Variants in RYK observed in about 807,000 individuals in gnomAD.
The protein encoded by RYK is inactive tyrosine-protein kinase RYK.
A neutral mutation model predicts 70.2 loss-of-function variants in RYK; 21 were observed. The ratio of observed to expected loss-of-function variants is 0.30; its 90% CI spans 0.21 to 0.43. The LOEUF (loss-of-function observed/expected upper bound fraction) is 0.43, where lower values mean the gene tolerates loss of function less well. Among genes scored for constraint, RYK ranks in the 20% least tolerant of loss-of-function variants. The pLI is 1.00. For missense variants in RYK, 604 were observed against 753.3 expected (o/e 0.80, Z 2.32); for synonymous variants, 267 against 278.0 (o/e 0.96, Z 0.39).
chr3:134,178,258 T>TGCATATATCCCCATATATGC, intron 10 of RYK, 185 bp from the exon 11 acceptor site: 1 of 496,192 alleles, frequency 2.0e-6, no homozygotes, highest in East Asian at 3.6e-5. Context: ...CCTATATATG[T>TGCATATATCCCCATATATGC]GCATATATCC....
chr3:134,221,062 G>GTAC (rs1560022088), intron 2 of RYK, among the ~76,000 whole-genome samples: 2 of 152,036 alleles, frequency 1.3e-5, no homozygotes, highest in Non-Finnish European at 2.9e-5. Context: ...AGGGGAAAAA[G>GTAC]TACTGTTCAA....
rs567343525 is a variant in RYK, at chr3:134,191,458, C to G, written c.1015+391G>C. ...TAAAATGTGGGATTGGAACTAAGGA[C>G]CAAAACCAAAGCCCAAGCCCATGTC... On this transcript the variant is annotated intron_variant, in intron 8 of 14. Coordinates refer to ENST00000623711, the MANE Select transcript of RYK (RefSeq NM_002958.4). Among the ~76,000 whole-genome samples the G allele has an allele frequency of 3.3e-5, 5 of 152,276 alleles. No homozygotes were observed. The South Asian group carries it at 1.0e-3, about 32-fold the overall frequency.
At chr3:134,223,575 G>A (rs2014801002) in intron 1 of RYK, among the ~76,000 whole-genome samples, 1 of 150,810 alleles carries the variant, frequency 6.6e-6, no homozygotes, top group Non-Finnish European at 1.5e-5. Flanking sequence ...AAAAAGGGAG[G>A]AGGGAGGTAT....
chr3:134,234,656 A>C (rs796863038), intron 1 of RYK, among the ~76,000 whole-genome samples: 4 of 152,270 alleles, frequency 2.6e-5, no homozygotes, highest in African/African-American at 9.6e-5. Context: ...AATAGTACTC[A>C]GAAGGCCTCA....
rs369799402 is a variant in RYK, at chr3:134,218,174, A to G, written c.354+4244T>C. 5.9e-5 allele frequency among the ~76,000 whole-genome samples: 9 copies of G among 152,292 alleles called. No homozygotes were observed. The East Asian group carries it at 1.5e-3, about 26-fold the overall frequency. ...TGTGCAACTACTGTCGAGTGTACCC[A>G]GCCTATATGTTTTCACACTTCCAGA... On this transcript the variant is annotated intron_variant, in intron 2 of 14. Coordinates refer to ENST00000623711, the MANE Select transcript of RYK (RefSeq NM_002958.4).
At chr3:134,204,672 C>A (rs1287451380) in intron 5 of RYK, among the ~76,000 whole-genome samples, 1 of 150,042 alleles carries the variant, frequency 6.7e-6, no homozygotes, top group Non-Finnish European at 1.5e-5. Context: ...ATACAAATGA[C>A]ATAAGCAGGC....
chr3:134,176,253 T>C (rs149774275), intron 11 of RYK, among the ~76,000 whole-genome samples: 1 of 152,358 alleles, frequency 6.6e-6, no homozygotes, highest in East Asian at 1.9e-4. Flanking sequence ...ATCTACCATT[T>C]ACTCTGTCTC....
Position 134,191,869 on chromosome 3 carries a change from A to G in RYK, c.995T>C (p.Leu332Pro), listed in dbSNP as rs2107668636. 1 of 1,611,150 alleles carries G rather than the reference A, an allele frequency of 6.2e-7. No individual in the cohort carries two copies. Among genetic ancestry groups the G allele is most frequent in the Non-Finnish European group, 8.5e-7 (1 of 1,178,586 alleles). ...AATACCTTCTTGGAGTACATCTTTT[A>G]GAGTTATCCTCTCTCTGGATATTGC... ...DIAISRERIT[L>P]KDVLQEGTFG... Residue 332 changes from leucine to proline, a missense_variant, in exon 8 of 15, where the codon CTA (leucine) becomes CCA (proline). Coordinates refer to ENST00000623711, the MANE Select transcript of RYK (RefSeq NM_002958.4).
chr3:134,193,904 C>G (rs909276806), intron 7 of RYK, among the ~76,000 whole-genome samples: 2 of 152,130 alleles, frequency 1.3e-5, no homozygotes, highest in African/African-American at 2.4e-5. Context: ...GGGGGTGCAG[C>G]AGGGACAGAA....
intron 5 of RYK, 107 bp from the exon 6 acceptor site, chr3:134,202,981 G>GT (rs1317026972): frequency 1.2e-6 from 1 of 841,076 alleles, no homozygotes; most frequent in East Asian, 2.8e-5. Context: ...CCCATTCTTT[G>GT]TAAGATCAGT....
intron 6 of RYK, among the ~76,000 whole-genome samples, chr3:134,196,318 T>C (rs1009619874): frequency 6.6e-6 from 1 of 152,152 alleles, no homozygotes; most frequent in African/African-American, 2.4e-5. Flanking sequence ...GGATAGGTCT[T>C]TCAATGCCTC....
intron 1 of RYK, among the ~76,000 whole-genome samples, chr3:134,228,266 G>A (rs1474245354): frequency 6.6e-6 from 1 of 152,018 alleles, no homozygotes; most frequent in African/African-American, 2.4e-5. Context: ...ACTCCAGCCT[G>A]GAAGATAGAA....
intron 2 of RYK, among the ~76,000 whole-genome samples, chr3:134,213,973 A>G (rs576002414): frequency 3.9e-5 from 6 of 152,012 alleles, no homozygotes; most frequent in Middle Eastern, 3.4e-3. Flanking sequence ...TGCCCAGCTA[A>G]TTTTTGTATT....
At chr3:134,241,346 T>C (rs2015321996) in intron 1 of RYK, among the ~76,000 whole-genome samples, 1 of 144,788 alleles carries the variant, frequency 6.9e-6, no homozygotes, top group East Asian at 2.2e-4. Flanking sequence ...CAAGACTCTA[T>C]CTCAAAAAAA....
chr3:134,186,995 C>T (rs2013486599), intron 9 of RYK, among the ~76,000 whole-genome samples: 2 of 152,070 alleles, frequency 1.3e-5, no homozygotes, highest in Admixed American at 1.3e-4. Context: ...AGTCAGAAAA[C>T]CTACTGGGAC....
chr3:134,242,857 GA>G (rs1040526432), intron 1 of RYK, among the ~76,000 whole-genome samples: 6 of 151,832 alleles, frequency 4.0e-5, no homozygotes, highest in Admixed American at 1.3e-4. Context: ...GTAGCATGAG[GA>G]AAAAAAACAA....
In RYK at chr3:134,209,731, C is replaced by T. The variant is rs544716970; in HGVS notation, c.553G>A (p.Val185Ile). ...ATTTTCCTTCGTTTAAAATTTAAGACGGTAAAATTTTTTGAAGAATTTACT... is the reference window on the plus strand; with the variant it reads ...ATTTTCCTTCGTTTAAAATTTAAGATGGTAAAATTTTTTGAAGAATTTACT... Reference protein sequence around the residue: ...LTVNSSKNFTVLNFKRRKMCY... With the variant: ...LTVNSSKNFTILNFKRRKMCY... Residue 185 changes from valine to isoleucine, a missense_variant, in exon 4 of 15, where the codon GTC (valine) becomes ATC (isoleucine). Transcript: ENST00000623711. The T allele has an allele frequency of 1.1e-4, 165 of 1,491,116 alleles. 1 individual carries two copies. Among genetic ancestry groups the T allele is most frequent in the South Asian group, 9.8e-4 (71 of 72,126 alleles). 92.4% of individuals were successfully genotyped at this position (1,491,116 alleles called of 1,614,324 possible).
chr3:134,249,548 C>G (rs2107701556), intron 1 of RYK, among the ~76,000 whole-genome samples: 1 of 152,270 alleles, frequency 6.6e-6, no homozygotes, highest in South Asian at 2.1e-4. Context: ...TCAGATCTTC[C>G]TCTAAGGGGT....
chr3:134,189,977 C>T (rs2013596484), intron 8 of RYK, among the ~76,000 whole-genome samples: 1 of 152,090 alleles, frequency 6.6e-6, no homozygotes, highest in South Asian at 2.1e-4. Flanking sequence ...AAAAGATAAG[C>T]TTGCAAATAG....
Sources: gnomAD v4.1 joint callset for allele counts (sites outside exome capture counted in the v4.1 genomes callset) on GRCh38, gnomAD v4.1.1 for gene constraint, MANE v1.5 for transcripts, NCBI Gene and HGNC (gene_info 2026-07-23, HGNC 2026-07-21) for gene names.